NCF2: variants seen among roughly 807,000 people sequenced by gnomAD.
NCF2 encodes neutrophil cytosol factor 2.
Under a neutral mutation model 70.9 loss-of-function variants are expected in NCF2, and 45 were observed. The observed-to-expected ratio is 0.63, with a 90% confidence interval of 0.50 to 0.81. The LOEUF is 0.81. Among genes scored for constraint, NCF2 ranks in the 40% least tolerant of loss-of-function variants. The pLI, the probability that NCF2 is intolerant of heterozygous loss-of-function variation, is 0.00. For missense variants in NCF2, 522 were observed against 631.6 expected (o/e 0.83, Z 1.86); for synonymous variants, 203 against 233.6 (o/e 0.87, Z 1.19).
intron 14 of NCF2, 39 bp downstream of exon 14, chr1:183,560,057 C>T (rs772517639): frequency 1.3e-6 from 2 of 1,594,498 alleles, no homozygotes; most frequent in East Asian, 2.2e-5. Flanking sequence ...TTTCTGCTAA[C>T]ATGTAAATTT....
In NCF2 at chr1:183,588,664, T is replaced by C. The variant is rs140334263; in HGVS notation, c.174+1492A>G. 2.3e-3 allele frequency among the ~76,000 whole-genome samples: 357 copies of C among 152,244 alleles called. 6 individuals carry two copies. The East Asian group carries it at 0.041, about 18-fold the overall frequency. ...TTTGTTTACTATACAAACTTATACA[T>C]GAATAGTATACAATTAAAATGATAA... On this transcript the variant is annotated intron_variant, in intron 1 of 14. Transcript: ENST00000367535.
upstream of NCF2, among the ~76,000 whole-genome samples, chr1:183,591,359 C>CT (rs1259482435): frequency 1.3e-5 from 2 of 152,094 alleles, no homozygotes; most frequent in Admixed American, 1.3e-4. Flanking sequence ...TCCTTGCTCA[C>CT]TTTTTTGTAA....
the NCF2 span, among the ~76,000 whole-genome samples, chr1:183,599,423 C>CTTCTTTCCTTCTTTCTTTCTTTCTTTCT: frequency 1.9e-5 from 2 of 107,426 alleles, no homozygotes; most frequent in African/African-American, 7.6e-5. Context: ...TCTTTCTTTC[C>CTTCTTTCCTTCTTTCTTTCTTTCTTTCT]TTCTTTCTTT....
At chr1:183,557,478 AAG>A (rs1266164175) in intron 14 of NCF2, among the ~76,000 whole-genome samples, 1 of 152,224 alleles carries the variant, frequency 6.6e-6, no homozygotes, top group Non-Finnish European at 1.5e-5. Context: ...TCCATTTAGG[AAG>A]ATTCGCAGGT....
rs931373491 is a variant in NCF2, at chr1:183,572,632, C to G, written c.609+553G>C. ...TGCTGATCTCTTTCCCTAACATGTT[C>G]TCTTCATATTTATTTTTATTTTTTA... On this transcript the variant is annotated intron_variant, in intron 5 of 14. Coordinates refer to ENST00000367535, the MANE Select transcript of NCF2 (RefSeq NM_000433.4). Among the ~76,000 whole-genome samples, 60 of 152,168 alleles carry G rather than the reference C, an allele frequency of 3.9e-4. 1 individual carries two copies. The highest frequency in any genetic ancestry group is 1.7e-3 in the Admixed American group (26 of 15,272).
chr1:183,563,990 A>AGG lies in NCF2; in HGVS notation c.1026+13_1026+14dup, dbSNP rs1428693863. 1.2e-6 allele frequency: 2 copies of AGG among 1,603,210 alleles called. No homozygotes were observed. Among genetic ancestry groups the AGG allele is most frequent in the Non-Finnish European group, 1.7e-6 (2 of 1,170,006 alleles). ...ATCTTCTACCACTTGAAACAGTATG[A>AGG]GGGAAAAATGTTACCTTAGGCTCTT... On this transcript the variant is annotated intron_variant, in intron 11 of 14. Coordinates refer to ENST00000367535, the MANE Select transcript of NCF2 (RefSeq NM_000433.4).
At chr1:183,559,978 G>T in intron 14 of NCF2, 118 bp downstream of exon 14, 2 of 1,112,738 alleles carry the variant, frequency 1.8e-6, no homozygotes, top group South Asian at 1.4e-5. Flanking sequence ...CTAGGAAGGG[G>T]GTTGAAAACA....
chr1:183,580,184 T>G (rs1672996126), intron 2 of NCF2, among the ~76,000 whole-genome samples: 1 of 152,086 alleles, frequency 6.6e-6, no homozygotes, highest in African/African-American at 2.4e-5. Flanking sequence ...GAGCTTGGGT[T>G]TGAAATAGGA....
intron 14 of NCF2, 96 bp downstream of exon 14, chr1:183,560,000 T>G: frequency 7.3e-7 from 1 of 1,377,832 alleles, no homozygotes; most frequent in Non-Finnish European, 1.0e-6. Flanking sequence ...TGGCTAAAGT[T>G]TTGTTTGTAG....
rs34956009 is a variant in NCF2 at position 183,569,301 on chromosome 1, G to A, written c.670-116C>T. ...CTTCCAGACCAGAAAATCAAATAAC[G>A]CATTTCTGACTGATGAGAACACTGT... On this transcript the variant is annotated intron_variant, in intron 6 of 14. Transcript: ENST00000367535. The A allele has an allele frequency of 4.4e-3, 4,371 of 986,880 alleles. 16 individuals are homozygous for A. The highest frequency in any genetic ancestry group is 5.9e-3 in the Non-Finnish European group (3,594 of 613,640). 61.1% of individuals were successfully genotyped at this position (986,880 alleles called of 1,614,324 possible). A position where few individuals can be genotyped will look rare whatever the true frequency, so the allele number is the denominator to read the frequency against.
chr1:183,598,434 T>A, the NCF2 span, among the ~76,000 whole-genome samples: 1 of 151,912 alleles, frequency 6.6e-6, no homozygotes. Context: ...GGGGAGGCAA[T>A]GAGACTCCCC....
intron 2 of NCF2, among the ~76,000 whole-genome samples, chr1:183,578,868 G>A (rs1572168312): frequency 2.0e-5 from 3 of 152,246 alleles, no homozygotes; most frequent in Non-Finnish European, 1.5e-5. Flanking sequence ...TTGACCATGG[G>A]CTCCACAGAG....
chr1:183,566,847 C>T, intron 9 of NCF2, 73 bp downstream of exon 9: 1 of 1,587,400 alleles, frequency 6.3e-7, no homozygotes, highest in Non-Finnish European at 8.6e-7. Context: ...CTCTTTTACA[C>T]TGCTTTTCTC....
At chr1:183,570,921 G>T in intron 5 of NCF2, 82 bp from the exon 6 acceptor site, 1 of 1,391,684 alleles carries the variant, frequency 7.2e-7, no homozygotes, top group Non-Finnish European at 1.0e-6. Context: ...TCATGCCCTA[G>T]ACCTGTTCTT....
At chr1:183,567,584 C>A in intron 7 of NCF2, 1 of 633,620 alleles carries the variant, frequency 1.6e-6, no homozygotes, top group Non-Finnish European at 2.9e-6. Context: ...AACCCCACAA[C>A]ACTAGATAGT....
chr1:183,589,604 G>C (rs1276597577), intron 1 of NCF2, among the ~76,000 whole-genome samples: 3 of 152,206 alleles, frequency 2.0e-5, no homozygotes, highest in Non-Finnish European at 4.4e-5. Flanking sequence ...GACATCACTA[G>C]TCAATCACAG....
chr1:183,583,864 A>G (rs1673222636), intron 2 of NCF2, among the ~76,000 whole-genome samples: 1 of 152,122 alleles, frequency 6.6e-6, no homozygotes, highest in South Asian at 2.1e-4. Flanking sequence ...TCTCACAGAG[A>G]TTGCTTTTTT....
At chr1:183,578,315 AG>A (rs1190322506) in intron 2 of NCF2, among the ~76,000 whole-genome samples, 1 of 152,028 alleles carries the variant, frequency 6.6e-6, no homozygotes, top group African/African-American at 2.4e-5. Context: ...ACTTTGGAAA[AG>A]AAAAAAAAAC....
chr1:183,567,112 C>G, intron 8 of NCF2, 92 bp downstream of exon 8: 1 of 1,609,412 alleles, frequency 6.2e-7, no homozygotes, highest in East Asian at 2.2e-5. Context: ...CTTGGCTGGT[C>G]TGCAAAGAAG....
Sources: allele counts gnomAD v4.1 joint callset (sites outside exome capture counted in the v4.1 genomes callset), GRCh38; gene constraint gnomAD v4.1.1; transcripts MANE v1.5; gene names NCBI Gene and HGNC (gene_info 2026-07-23, HGNC 2026-07-21).